Variants in LARGE1 observed in about 807,000 individuals in gnomAD.
The protein encoded by LARGE1 is LARGE xylosyl- and glucuronyltransferase 1.
In LARGE1, 43 loss-of-function variants were observed where a neutral mutation model predicts 87.6. The ratio of observed to expected loss-of-function variants is 0.49; its 90% CI spans 0.38 to 0.63. LARGE1 has a LOEUF of 0.63. LARGE1 is among the 30% of genes least tolerant of loss of function. LARGE1 has a pLI of 0.00. For synonymous variants in LARGE1, 434 were observed against 394.6 expected (o/e 1.10, Z -1.18); for missense variants, 802 against 1,000.2 (o/e 0.80, Z 2.67).
At chr22:33,526,925 T>C (rs2071927229) in intron 6 of LARGE1, among the ~76,000 whole-genome samples, 2 of 152,222 alleles carry the variant, frequency 1.3e-5, no homozygotes, top group Non-Finnish European at 2.9e-5. Context: ...AAGCATGGCC[T>C]GAAGACAGCA....
chr22:33,210,070 A>T (rs1389473858), intron 11 of LARGE1, among the ~76,000 whole-genome samples: 2 of 152,232 alleles, frequency 1.3e-5, no homozygotes, highest in Non-Finnish European at 2.9e-5. Flanking sequence ...GGACCCAGGC[A>T]TCAGTTTTTT....
At chr22:33,670,174 T>A (rs976119619) in intron 2 of LARGE1, among the ~76,000 whole-genome samples, 1 of 152,138 alleles carries the variant, frequency 6.6e-6, no homozygotes, top group Non-Finnish European at 1.5e-5. Context: ...CATTCACTCA[T>A]TAAATTCATA....
At position 33,594,471 on chromosome 22, in the gene LARGE1, G is replaced by T. The variant is rs376651696; in HGVS notation, c.615+9964C>A. On this transcript the variant is annotated intron_variant, in intron 5 of 14. Transcript: ENST00000397394. ...CATTTGGACAAAGACTCTGTGCTCA[G>T]TGCAAATTTCCTAACCTCATCATAA... is the stretch of plus-strand genomic sequence containing the variant. Among the ~76,000 whole-genome samples, 8 of 152,322 alleles carry T rather than the reference G, an allele frequency of 5.3e-5. No individual in the cohort carries two copies. The East Asian group carries it at 1.4e-3, about 26-fold the overall frequency.
intron 6 of LARGE1, among the ~76,000 whole-genome samples, chr22:33,482,633 G>A (rs959914299): frequency 1.3e-5 from 2 of 151,996 alleles, no homozygotes; most frequent in East Asian, 1.9e-4. Flanking sequence ...ATCATGGCAC[G>A]TTCTGGCCAT....
chr22:33,738,519 A>T (rs903253920), intron 2 of LARGE1, among the ~76,000 whole-genome samples: 14 of 152,194 alleles, frequency 9.2e-5, no homozygotes, highest in Non-Finnish European at 1.9e-4. Context: ...CTCTGCTTCC[A>T]AAGGAGCACG....
At chr22:33,171,976 CA>C (rs1183716425) in intron 11 of LARGE1, among the ~76,000 whole-genome samples, 3 of 152,254 alleles carry the variant, frequency 2.0e-5, no homozygotes, top group African/African-American at 7.2e-5. Context: ...AAAGCATCCA[CA>C]GGGGCTGTAC....
intron 2 of LARGE1, among the ~76,000 whole-genome samples, chr22:33,684,159 C>T (rs2149313116): frequency 6.6e-6 from 1 of 152,212 alleles, no homozygotes; most frequent in East Asian, 1.9e-4. Flanking sequence ...GAAATCATTG[C>T]ACGTTGTACA....
chr22:33,106,301 T>C, the LARGE1 span, among the ~76,000 whole-genome samples: 1 of 151,988 alleles, frequency 6.6e-6, no homozygotes, highest in Admixed American at 6.6e-5. Flanking sequence ...AGAGTATGAG[T>C]AGAAAAGGTG....
At chr22:33,729,028 A>G (rs1294963434) in intron 2 of LARGE1, among the ~76,000 whole-genome samples, 1 of 152,208 alleles carries the variant, frequency 6.6e-6, no homozygotes, top group East Asian at 1.9e-4. Flanking sequence ...TTTATTTCAG[A>G]AAAGAAACCA....
At chr22:33,517,170 T>C (rs931145921) in intron 6 of LARGE1, among the ~76,000 whole-genome samples, 1 of 152,162 alleles carries the variant, frequency 6.6e-6, no homozygotes, top group African/African-American at 2.4e-5. Flanking sequence ...ATTCCAGAGC[T>C]ATACACCTGA....
intron 1 of LARGE1, among the ~76,000 whole-genome samples, chr22:33,895,733 TGG>T (rs1370169064): frequency 4.6e-5 from 7 of 152,306 alleles, no homozygotes; most frequent in Admixed American, 4.6e-4. Flanking sequence ...GCTATGAAGA[TGG>T]GGTCTTACAT....
At chr22:33,771,767 T>G (rs2085074682) in intron 1 of LARGE1, among the ~76,000 whole-genome samples, 1 of 152,140 alleles carries the variant, frequency 6.6e-6, no homozygotes, top group Non-Finnish European at 1.5e-5. Context: ...AGACCTCAAC[T>G]CCTGATTTCC....
At position 33,761,225 on chromosome 22, in the gene LARGE1, T is replaced by C. The variant is rs370449130; in HGVS notation, c.106+146A>G. 76 of 788,898 alleles carry C rather than the reference T, an allele frequency of 9.6e-5. 1 individual carries two copies. In the African/African-American group the frequency reaches 1.1e-3, roughly 11 times the overall value. The allele number at this position is 788,898 out of a possible 1,614,324, so 48.9% of individuals were successfully genotyped here. A position where few individuals can be genotyped will look rare whatever the true frequency, so the allele number is the denominator to read the frequency against. On this transcript the variant is annotated intron_variant, in intron 2 of 14. Transcript: ENST00000397394. ...CCTCACACTGTTGACTGCTGCCAAC[T>C]ACCTGTGTGATTCTAGACAAGTCAC...
intron 13 of LARGE1, among the ~76,000 whole-genome samples, chr22:33,281,870 G>A (rs1054125680): frequency 5.9e-5 from 9 of 152,188 alleles, no homozygotes; most frequent in Non-Finnish European, 1.2e-4. Context: ...ATTTTCACAA[G>A]ATAAAGTTTA....
chr22:33,270,240 A>G (rs1928174178), downstream of LARGE1, among the ~76,000 whole-genome samples: 1 of 152,218 alleles, frequency 6.6e-6, no homozygotes, highest in South Asian at 2.1e-4. Context: ...AACCTCTTAG[A>G]ATGCATATGG....
At chr22:33,443,967 T>C (rs577953767) in intron 6 of LARGE1, among the ~76,000 whole-genome samples, 1 of 152,376 alleles carries the variant, frequency 6.6e-6, no homozygotes, top group African/African-American at 2.4e-5. Flanking sequence ...ATTTTGGATT[T>C]GTCTTTTTTA....
intron 1 of LARGE1, among the ~76,000 whole-genome samples, chr22:33,888,060 A>C (rs1436763621): frequency 6.6e-6 from 1 of 152,110 alleles, no homozygotes; most frequent in Non-Finnish European, 1.5e-5. Flanking sequence ...AATGTGGACA[A>C]CACTGTGGAA....
At chr22:33,171,215 T>G (rs957696252) in intron 11 of LARGE1, among the ~76,000 whole-genome samples, 1 of 152,202 alleles carries the variant, frequency 6.6e-6, no homozygotes, top group Admixed American at 6.5e-5. Flanking sequence ...TCTGAAAGCA[T>G]TCAGTCATAT....
chr22:33,781,956 T>TAC (rs2085436266), intron 1 of LARGE1, among the ~76,000 whole-genome samples: 1 of 151,978 alleles, frequency 6.6e-6, no homozygotes, highest in South Asian at 2.1e-4. Flanking sequence ...CATATATATA[T>TAC]ATACACACAC....
Sources: allele counts gnomAD v4.1 joint callset (sites outside exome capture counted in the v4.1 genomes callset), GRCh38; gene constraint gnomAD v4.1.1; transcripts MANE v1.5; gene names NCBI Gene and HGNC (gene_info 2026-07-23, HGNC 2026-07-21).